The following SLC66A2 variants were observed in gnomAD, a reference collection of about 807,000 sequenced individuals.
SLC66A2 encodes PQ loop repeat containing 1.
A neutral mutation model predicts 25.5 loss-of-function variants in SLC66A2; 23 were observed. The ratio of observed to expected loss-of-function variants is 0.90; its 90% CI spans 0.65 to 1.28. The LOEUF (loss-of-function observed/expected upper bound fraction) is 1.28. Ranked by LOEUF, SLC66A2 falls within the 50% of genes most tolerant of loss-of-function variation. SLC66A2 has a pLI of 0.00. For synonymous variants in SLC66A2, 193 were observed against 166.5 expected (o/e 1.16, Z -1.23); for missense variants, 396 against 373.1 (o/e 1.06, Z -0.51).
rs1981773911 is a variant in SLC66A2 at position 79,904,580 on chromosome 18, G to C, written c.609-397C>G. 6.6e-6 allele frequency among the ~76,000 whole-genome samples: 1 copy of C among 152,160 alleles called. No individual in the cohort carries two copies. The highest frequency in any genetic ancestry group is 2.4e-5 in the African/African-American group (1 of 41,424). On this transcript the variant is annotated intron_variant, in intron 5 of 5. Coordinates refer to ENST00000397778, the MANE Select transcript of SLC66A2 (RefSeq NM_025078.5). This position sits in a 1 kb window ranked among gnomAD's most constrained non-coding sequence, Gnocchi z 6.3. ...GCGAGCAGCTGACGTCAGGGCCCCT[G>C]GTGCGCGGTGGCAATTCTGGGAGGG...
intron 2 of SLC66A2, 134 bp from the exon 3 acceptor site, chr18:79,943,596 C>T (rs1016200934): frequency 5.4e-5 from 53 of 988,518 alleles, no homozygotes; most frequent in East Asian, 1.4e-4. Flanking sequence ...AACCTGCAGC[C>T]GGAGAGACCC....
intron 5 of SLC66A2, among the ~76,000 whole-genome samples, chr18:79,912,829 GAGC>G (rs1354014739): frequency 6.6e-6 from 1 of 152,130 alleles, no homozygotes. Flanking sequence ...TGCGTGCACC[GAGC>G]TTGCTTCCTG....
Position 79,912,912 on chromosome 18 carries a change from T to TAAGGAAAGGCAC in SLC66A2, c.608+6260_608+6271dup, listed in dbSNP as rs1280037522. On this transcript the variant is annotated intron_variant, in intron 5 of 5. Coordinates refer to ENST00000397778, the MANE Select transcript of SLC66A2 (RefSeq NM_025078.5). ...AGGGGCCTGCTCTGCATCAAAGGCA[T>TAAGGAAAGGCAC]AAGGAAAGGCACAGTGGGTGAGGGG... 2.6e-5 allele frequency among the ~76,000 whole-genome samples: 4 copies of TAAGGAAAGGCAC among 152,146 alleles called. No individual in the cohort carries two copies. In the East Asian group the frequency reaches 7.7e-4, roughly 29 times the overall value.
At position 79,918,131 on chromosome 18, in the gene SLC66A2, C is replaced by T. The variant is rs1984454855; in HGVS notation, c.608+1053G>A. ...GGGCAACTGAACCTACACACAACCC[C>T]CGGCCCTCACACCTCTGCCCACACG... On this transcript the variant is annotated intron_variant, in intron 5 of 5. Transcript: ENST00000397778. The surrounding 1 kb of genome is among the most constrained non-coding windows in gnomAD (Gnocchi z 4.0). Among the ~76,000 whole-genome samples the T allele has an allele frequency of 6.6e-6, 1 of 152,150 alleles. No individual in the cohort carries two copies. Among genetic ancestry groups the T allele is most frequent in the Non-Finnish European group, 1.5e-5 (1 of 68,020 alleles).
rs1910728727 is a variant in SLC66A2 at position 79,927,435 on chromosome 18, A to C, written c.391+6534T>G. ...CAGGGCCGACTTTTACTTTATCCTA[A>C]GGATCAGGGACGCAAAAGGATTTTA... On this transcript the variant is annotated intron_variant, in intron 4 of 5. Coordinates refer to ENST00000397778, the MANE Select transcript of SLC66A2 (RefSeq NM_025078.5). The surrounding 1 kb of genome is among the most constrained non-coding windows in gnomAD (Gnocchi z 6.2). Among the ~76,000 whole-genome samples the C allele has an allele frequency of 6.6e-6, 1 of 152,204 alleles. No individual in the cohort carries two copies. Among genetic ancestry groups the C allele is most frequent in the Non-Finnish European group, 1.5e-5 (1 of 68,040 alleles).
intron 3 of SLC66A2, among the ~76,000 whole-genome samples, chr18:79,938,274 A>G (rs1225456169): frequency 6.6e-6 from 1 of 152,180 alleles, no homozygotes; most frequent in South Asian, 2.1e-4. Flanking sequence ...GAAATTCTCC[A>G]TAATGCAAAG....
chr18:79,906,409 C>A (rs989085512), intron 5 of SLC66A2, among the ~76,000 whole-genome samples: 1 of 152,184 alleles, frequency 6.6e-6, no homozygotes, highest in Non-Finnish European at 1.5e-5. Context: ...TTGCATCCCA[C>A]AAATTTTGAT....
At chr18:79,929,260 A>T (rs1210236872) in intron 4 of SLC66A2, among the ~76,000 whole-genome samples, 1 of 152,186 alleles carries the variant, frequency 6.6e-6, no homozygotes, top group Non-Finnish European at 1.5e-5. Context: ...TACATCCCCC[A>T]GGGCATCATC....
In SLC66A2 at chr18:79,950,745, T is replaced by C. The variant is rs1257376529; in HGVS notation, c.182A>G (p.Asn61Ser). Residue 61 changes from asparagine to serine, a missense_variant, in exon 2 of 6, where the codon AAC becomes AGC. Asn to Ser is a conservative substitution (Grantham distance 46). Transcript: ENST00000397778. The part of the protein sequence containing the change: ...TYVCLVLLVA[N>S]ILRILFWFGR... ...TTACCAGAAGAGTATCCGCAAAATG[T>C]TGGCCACCAGCAGCACCAGGCACAC... is the stretch of plus-strand genomic sequence containing the variant. 3 of 1,613,198 alleles carry C rather than the reference T, an allele frequency of 1.9e-6. No individual in the cohort carries two copies. The highest frequency in any genetic ancestry group is 4.5e-5 in the East Asian group (2 of 44,876).
intron 2 of SLC66A2, among the ~76,000 whole-genome samples, chr18:79,948,288 T>A (rs1031733442): frequency 2.0e-5 from 3 of 152,202 alleles, no homozygotes; most frequent in African/African-American, 7.2e-5. Flanking sequence ...AATGACAAGA[T>A]GGCACCAGGA....
Position 79,950,799 on chromosome 18 carries a change from G to T in SLC66A2, c.128C>A (p.Thr43Lys). The change falls in exon 2 of 6, where the codon ACG becomes AAG. Residue 43 changes from threonine to lysine, a missense_variant. Coordinates refer to ENST00000397778, the MANE Select transcript of SLC66A2 (RefSeq NM_025078.5). ...GGTGGAGAAGCCGTCGGCGTTCTGC[G>T]TCCTGCGAATGTCCCGATACTGCGG... ...YVPQYRDIRR[T>K]QNADGFSTYV... The T allele has an allele frequency of 6.2e-7, 1 of 1,613,168 alleles. No individual in the cohort carries two copies. Among genetic ancestry groups the T allele is most frequent in the Non-Finnish European group, 8.5e-7 (1 of 1,179,988 alleles).
At chr18:79,943,208 C>T in intron 3 of SLC66A2, 121 bp downstream of exon 3, 1 of 1,243,696 alleles carries the variant, frequency 8.0e-7, no homozygotes, top group Non-Finnish European at 1.1e-6. Context: ...CTGGAGATAA[C>T]AGCACCACTT....
At chr18:79,929,437 A>T (rs1467537735) in intron 4 of SLC66A2, among the ~76,000 whole-genome samples, 1 of 152,110 alleles carries the variant, frequency 6.6e-6, no homozygotes, top group African/African-American at 2.4e-5. Context: ...AAACAAGCAA[A>T]CAGTAAGTCA....
intron 3 of SLC66A2, among the ~76,000 whole-genome samples, chr18:79,943,051 C>T (rs556385252): frequency 9.8e-5 from 15 of 152,360 alleles, no homozygotes; most frequent in Non-Finnish European, 1.5e-4. Flanking sequence ...ACACAGAAAG[C>T]GTCTGGGATG....
In SLC66A2 at chr18:79,933,862, G is replaced by C. The variant is rs980896678; in HGVS notation, c.391+107C>G. The C allele has an allele frequency of 2.9e-5, 28 of 961,720 alleles. No homozygotes were observed. In the Admixed American group the frequency reaches 3.9e-4, roughly 13 times the overall value. The allele number at this position is 961,720 out of a possible 1,614,324, so 59.6% of individuals were successfully genotyped here. ...TGTAGACTCGGCCACGCTTGGTAAA[G>C]ATGACGCACGCACATGCACAGATGG... is the stretch of plus-strand genomic sequence containing the variant. On this transcript the variant is annotated intron_variant, in intron 4 of 5. Transcript: ENST00000397778.
intron 4 of SLC66A2, among the ~76,000 whole-genome samples, chr18:79,925,572 G>A (rs2144825975): frequency 6.6e-6 from 1 of 152,376 alleles, no homozygotes; most frequent in East Asian, 1.9e-4. Flanking sequence ...GCACGGGCGT[G>A]GCTGCCCTCA....
chr18:79,904,323 G>A lies in SLC66A2; in HGVS notation c.609-140C>T, dbSNP rs1036693984. 32 of 740,950 alleles carry A rather than the reference G, an allele frequency of 4.3e-5. No individual in the cohort carries two copies. Among genetic ancestry groups the A allele is most frequent in the Middle Eastern group, 3.6e-4 (1 of 2,742 alleles). The allele number at this position is 740,950 out of a possible 1,614,324, so 45.9% of individuals were successfully genotyped here. A position where few individuals can be genotyped will look rare whatever the true frequency, so the allele number is the denominator to read the frequency against. On this transcript the variant is annotated intron_variant, in intron 5 of 5. Transcript: ENST00000397778. This position sits in a 1 kb window ranked among gnomAD's most constrained non-coding sequence, Gnocchi z 6.3. The stretch of plus-strand genomic sequence containing the variant: ...GGGCTAAGGGGACCCCCAGGCAGTC[G>A]GCGGGGAGGCCTGGGGCTCAGGGGG...
At chr18:79,913,533 C>G (rs1983543788) in intron 5 of SLC66A2, among the ~76,000 whole-genome samples, 1 of 152,280 alleles carries the variant, frequency 6.6e-6, no homozygotes, top group Admixed American at 6.5e-5. Flanking sequence ...AGGGAAGTCA[C>G]TGTTCAAAAA....
chr18:79,904,560 C>T lies in SLC66A2; in HGVS notation c.609-377G>A, dbSNP rs938570326. 6.6e-6 allele frequency among the ~76,000 whole-genome samples: 1 copy of T among 152,144 alleles called. No homozygotes were observed. Among genetic ancestry groups the T allele is most frequent in the Non-Finnish European group, 1.5e-5 (1 of 68,010 alleles). On this transcript the variant is annotated intron_variant, in intron 5 of 5. Transcript: ENST00000397778. This position sits in a 1 kb window ranked among gnomAD's most constrained non-coding sequence, Gnocchi z 6.3. ...AGGCTACAGGGGACAGCAGGGCGAG[C>T]AGCTGACGTCAGGGCCCCTGGTGCG...
Sources: gnomAD v4.1 joint callset for allele counts (sites outside exome capture counted in the v4.1 genomes callset) on GRCh38, gnomAD v4.1.1 for gene constraint, Gnocchi (gnomAD v3.1) non-coding constraint, MANE v1.5 for transcripts, NCBI Gene and HGNC (gene_info 2026-07-23, HGNC 2026-07-21) for gene names.